The following WDR7 variants were observed in gnomAD, a reference collection of about 807,000 sequenced individuals.
The protein encoded by WDR7 is WD repeat domain 7, also known as WD repeat-containing protein 7.
A neutral mutation model predicts 169.4 loss-of-function variants in WDR7; 46 were observed. The observed-to-expected ratio is 0.27, with a 90% confidence interval of 0.21 to 0.35. The LOEUF (loss-of-function observed/expected upper bound fraction) is 0.35, where lower values mean the gene tolerates loss of function less well. Among genes scored for constraint, WDR7 ranks in the 10% least tolerant of loss-of-function variants. The probability of loss-of-function intolerance (pLI) is 1.00; values close to 1 mark genes in which losing one functional copy is unlikely to be tolerated. For synonymous variants in WDR7, 612 were observed against 666.8 expected (o/e 0.92, Z 1.27); for missense variants, 1,534 against 1,859.3 (o/e 0.83, Z 3.22).
chr18:56,888,155 C>T (rs1008287750), intron 21 of WDR7, among the ~76,000 whole-genome samples: 1 of 152,192 alleles, frequency 6.6e-6, no homozygotes, highest in African/African-American at 2.4e-5. Flanking sequence ...CAGTTATCCA[C>T]ATTGATGGGA....
At chr18:56,752,948 G>A (rs1397805958) in intron 14 of WDR7, among the ~76,000 whole-genome samples, 1 of 152,212 alleles carries the variant, frequency 6.6e-6, no homozygotes, top group Non-Finnish European at 1.5e-5. Flanking sequence ...GGTTCTGAAA[G>A]TACAAGTGGT....
At chr18:56,921,124 G>A (rs984651451) in intron 21 of WDR7, among the ~76,000 whole-genome samples, 2 of 152,164 alleles carry the variant, frequency 1.3e-5, no homozygotes, top group African/African-American at 4.8e-5. Flanking sequence ...CAGAAAAGTA[G>A]TATGCTTCCT....
chr18:56,999,924 T>G (rs901819582), intron 26 of WDR7, among the ~76,000 whole-genome samples: 1 of 152,088 alleles, frequency 6.6e-6, no homozygotes, highest in Admixed American at 6.5e-5. Context: ...GCTATGAGCT[T>G]CTCCTGTCAA....
intron 20 of WDR7, among the ~76,000 whole-genome samples, chr18:56,860,602 C>T (rs2045789876): frequency 6.6e-6 from 1 of 152,070 alleles, no homozygotes; most frequent in African/African-American, 2.4e-5. Flanking sequence ...GGATTGTGAC[C>T]AACCACAGTC....
At chr18:57,024,578 A>ATCCCTATTCTCAGGCAG (rs2145950147) in intron 27 of WDR7, among the ~76,000 whole-genome samples, 1 of 141,896 alleles carries the variant, frequency 7.0e-6, no homozygotes, top group South Asian at 2.3e-4. Context: ...TGTCCCTTAT[A>ATCCCTATTCTCAGGCAG]GAATTTCACA....
At chr18:56,769,067 C>CT (rs1052469319) in intron 16 of WDR7, among the ~76,000 whole-genome samples, 2 of 151,900 alleles carry the variant, frequency 1.3e-5, no homozygotes, top group East Asian at 1.9e-4. Flanking sequence ...CACTTGTCTA[C>CT]TTTTTTTTAT....
In WDR7 at chr18:56,903,823, A is replaced by G. The variant is rs1160278466; in HGVS notation, c.3527-20099A>G. Among the ~76,000 whole-genome samples, 4 of 152,284 alleles carry G rather than the reference A, an allele frequency of 2.6e-5. No individual in the cohort carries two copies. In the East Asian group the frequency reaches 7.7e-4, roughly 29 times the overall value. On this transcript the variant is annotated intron_variant, in intron 21 of 27. Coordinates refer to ENST00000254442, the MANE Select transcript of WDR7 (RefSeq NM_015285.3). ...CTTGCCATCTCACTGGTGATAAGCA[A>G]TCATTTTGTTCTGTTATCCAGAAAT...
At chr18:56,886,308 A>C (rs575046682) in intron 21 of WDR7, among the ~76,000 whole-genome samples, 9 of 152,204 alleles carry the variant, frequency 5.9e-5, no homozygotes, top group South Asian at 2.1e-4. Context: ...ACCAGAAGGG[A>C]TTGAGGCCCT....
At chr18:56,713,783 G>A (rs1441304775) in intron 12 of WDR7, among the ~76,000 whole-genome samples, 1 of 152,142 alleles carries the variant, frequency 6.6e-6, no homozygotes, top group Non-Finnish European at 1.5e-5. Flanking sequence ...AAGGAATTGT[G>A]CTAATTTAAC....
At position 56,691,937 on chromosome 18, in the gene WDR7, G is replaced by A; in HGVS notation, c.966+120G>A. 3 of 681,374 alleles carry A rather than the reference G, an allele frequency of 4.4e-6. No homozygotes were observed. In the South Asian group the frequency reaches 8.3e-5, roughly 19 times the overall value. 42.2% of individuals were successfully genotyped at this position (681,374 alleles called of 1,614,324 possible). A position where few individuals can be genotyped will look rare whatever the true frequency, so the allele number is the denominator to read the frequency against. On this transcript the variant is annotated intron_variant, in intron 9 of 27. Coordinates refer to ENST00000254442, the MANE Select transcript of WDR7 (RefSeq NM_015285.3). ...TACAATTCAAAGCACTGTGTTAAATGTAAAACATTTTGAGATGGTCAGTTA... is the reference window on the plus strand; with the variant it reads ...TACAATTCAAAGCACTGTGTTAAATATAAAACATTTTGAGATGGTCAGTTA...
chr18:56,749,101 T>C (rs1309067119), intron 14 of WDR7, among the ~76,000 whole-genome samples: 2 of 152,104 alleles, frequency 1.3e-5, no homozygotes, highest in Admixed American at 6.5e-5. Context: ...AGTGACCGTT[T>C]TACATTTAAC....
At chr18:56,661,147 T>C (rs2024896475) in intron 1 of WDR7, among the ~76,000 whole-genome samples, 1 of 152,182 alleles carries the variant, frequency 6.6e-6, no homozygotes, top group Admixed American at 6.5e-5. Context: ...AGTTCAGTGC[T>C]CAGTTTAGAC....
intron 1 of WDR7, among the ~76,000 whole-genome samples, chr18:56,665,122 G>A (rs373831920): frequency 2.6e-5 from 4 of 152,014 alleles, no homozygotes; most frequent in South Asian, 2.1e-4. Context: ...GCAAAACCCC[G>A]TCTCTGCTAA....
At chr18:56,930,405 TTC>T (rs1166026139) in intron 22 of WDR7, among the ~76,000 whole-genome samples, 8 of 152,236 alleles carry the variant, frequency 5.3e-5, no homozygotes, top group Non-Finnish European at 1.2e-4. Context: ...TTTTTCCTGT[TTC>T]TGTGAAATTT....
intron 26 of WDR7, among the ~76,000 whole-genome samples, chr18:56,969,291 G>T (rs1342669827): frequency 6.6e-6 from 1 of 152,138 alleles, no homozygotes; most frequent in East Asian, 1.9e-4. Flanking sequence ...TGGTATACCT[G>T]AAATCTACCT....
chr18:56,988,081 T>C (rs921832091), intron 26 of WDR7, among the ~76,000 whole-genome samples: 2 of 152,234 alleles, frequency 1.3e-5, no homozygotes, highest in African/African-American at 4.8e-5. Context: ...TGTCTGTTCA[T>C]CACGCCTCCT....
intron 19 of WDR7, among the ~76,000 whole-genome samples, chr18:56,808,225 T>C (rs1382078031): frequency 6.6e-6 from 1 of 152,176 alleles, no homozygotes; most frequent in Non-Finnish European, 1.5e-5. Context: ...AATTCAGGCC[T>C]TCTGCCTGAA....
chr18:56,755,563 G>A (rs1008662451), intron 14 of WDR7, among the ~76,000 whole-genome samples: 1 of 152,226 alleles, frequency 6.6e-6, no homozygotes, highest in African/African-American at 2.4e-5. Flanking sequence ...GGCCCAGGAG[G>A]TTTAGTGAGG....
intron 20 of WDR7, among the ~76,000 whole-genome samples, chr18:56,841,201 A>G (rs777901109): frequency 7.2e-5 from 11 of 151,884 alleles, no homozygotes; most frequent in Middle Eastern, 3.4e-3. Context: ...TCAAATAAAT[A>G]AATAATATAA....
Sources: gnomAD v4.1 joint callset for allele counts (sites outside exome capture counted in the v4.1 genomes callset) on GRCh38, gnomAD v4.1.1 for gene constraint, MANE v1.5 for transcripts, NCBI Gene and HGNC (gene_info 2026-07-23, HGNC 2026-07-21) for gene names.